The following NGF variants were observed in gnomAD, a reference collection of about 807,000 sequenced individuals.
The protein encoded by NGF is nerve growth factor.
Under a neutral mutation model 12.8 loss-of-function variants are expected in NGF, and 4 were observed. The ratio of observed to expected loss-of-function variants is 0.31; its 90% CI spans 0.15 to 0.72. The LOEUF is 0.72. Ranked by LOEUF, NGF falls within the 30% of genes least tolerant of loss-of-function variation. The pLI, the probability that NGF is intolerant of heterozygous loss-of-function variation, is 0.69. For synonymous variants in NGF, 140 were observed against 130.0 expected, an observed-to-expected ratio of 1.08 and a Z score of -0.52; for missense variants, 283 against 330.8, an observed-to-expected ratio of 0.86 and a Z score of 1.12.
chr1:115,302,946 C>G (rs1654086529), intron 1 of NGF, among the ~76,000 whole-genome samples: 1 of 152,202 alleles, frequency 6.6e-6, no homozygotes, highest in African/African-American at 2.4e-5. Flanking sequence ...CATCTGTGTC[C>G]ACCACTTTCA....
intron 1 of NGF, among the ~76,000 whole-genome samples, chr1:115,304,951 A>C (rs1228903557): frequency 1.3e-5 from 2 of 152,122 alleles, no homozygotes; most frequent in African/African-American, 2.4e-5. Flanking sequence ...TGTGAGTTTG[A>C]GTTTGGGTTT....
intron 1 of NGF, among the ~76,000 whole-genome samples, chr1:115,310,312 A>C (rs1310134520): frequency 6.6e-6 from 1 of 152,204 alleles, no homozygotes; most frequent in Non-Finnish European, 1.5e-5. Context: ...ATGGCTGGTA[A>C]TGTTGTTATA....
At position 115,298,666 on chromosome 1, in the gene NGF, G is replaced by T. The variant is rs1279329952; in HGVS notation, c.-136-4916C>A. Among the ~76,000 whole-genome samples, 6 of 152,172 alleles carry T rather than the reference G, an allele frequency of 3.9e-5. No homozygotes were observed. In the South Asian group the frequency reaches 1.2e-3, roughly 32 times the overall value. On this transcript the variant is annotated intron_variant, in intron 1 of 2. Transcript: ENST00000369512. ...GGAGCACATGGGAGGACTGGTCCCA[G>T]AGGTCTTTTTGGCCAAGTGTCCCTA...
At chr1:115,338,013 G>T (rs1233160974) in intron 1 of NGF, among the ~76,000 whole-genome samples, 191 bp downstream of exon 1, 1 of 152,136 alleles carries the variant, frequency 6.6e-6, no homozygotes, top group Non-Finnish European at 1.5e-5. Flanking sequence ...TCGTCCTCCC[G>T]CGAGGGTCCC....
At chr1:115,286,990 G>A (rs1002477049) in intron 2 of NGF, among the ~76,000 whole-genome samples, 183 bp from the exon 3 acceptor site, 9 of 152,124 alleles carry the variant, frequency 5.9e-5, no homozygotes, top group Non-Finnish European at 1.0e-4. Context: ...GGCGTAACCC[G>A]GGGCTGACTC....
rs576988149 is a variant in NGF, at chr1:115,327,301, T to C, written c.-137+10903A>G. On this transcript the variant is annotated intron_variant, in intron 1 of 2. Transcript: ENST00000369512. ...AAAAAGAACCTTTGAAACATATTTG[T>C]GTTGCTTTATGAAGCTCTCTGCTTT... 2.6e-5 allele frequency among the ~76,000 whole-genome samples: 4 copies of C among 152,350 alleles called. No individual in the cohort carries two copies. In the East Asian group the frequency reaches 7.7e-4, roughly 29 times the overall value.
chr1:115,289,539 G>A (rs1653619307), intron 2 of NGF, among the ~76,000 whole-genome samples: 1 of 152,100 alleles, frequency 6.6e-6, no homozygotes, highest in Non-Finnish European at 1.5e-5. Context: ...TTTGAAGCTA[G>A]TTCTGCCCTC....
At chr1:115,329,517 A>T (rs1052032410) in intron 1 of NGF, among the ~76,000 whole-genome samples, 1 of 152,166 alleles carries the variant, frequency 6.6e-6, no homozygotes, top group Non-Finnish European at 1.5e-5. Flanking sequence ...TATGACTTAT[A>T]GTAAAAAAAA....
At chr1:115,318,610 C>T (rs542883596) in intron 1 of NGF, among the ~76,000 whole-genome samples, 26 of 152,344 alleles carry the variant, frequency 1.7e-4, no homozygotes, top group Admixed American at 3.9e-4. Flanking sequence ...CCAGCCTCCA[C>T]CCCTATATAC....
intron 2 of NGF, among the ~76,000 whole-genome samples, chr1:115,288,663 G>T (rs1033810352): frequency 1.3e-5 from 2 of 152,106 alleles, no homozygotes; most frequent in African/African-American, 4.8e-5. Context: ...CCTCTCCTAG[G>T]GTTGTGGATA....
chr1:115,316,015 A>T (rs180805343), intron 1 of NGF, among the ~76,000 whole-genome samples: 1 of 152,290 alleles, frequency 6.6e-6, no homozygotes, highest in African/African-American at 2.4e-5. Flanking sequence ...GGTACCTACT[A>T]TGCACCCAGG....
chr1:115,322,261 T>A, intron 1 of NGF, among the ~76,000 whole-genome samples: 1 of 152,130 alleles, frequency 6.6e-6, no homozygotes, highest in East Asian at 1.9e-4. Context: ...CTGAATAAAT[T>A]CCTTTCAGGG....
intron 1 of NGF, among the ~76,000 whole-genome samples, chr1:115,294,035 G>C (rs1161081630): frequency 2.0e-5 from 3 of 152,194 alleles, no homozygotes; most frequent in African/African-American, 4.8e-5. Context: ...GGTGTTTCTA[G>C]ACACATGCCA....
intron 1 of NGF, among the ~76,000 whole-genome samples, chr1:115,336,995 C>G (rs1469098903): frequency 6.6e-6 from 1 of 152,154 alleles, no homozygotes; most frequent in Non-Finnish European, 1.5e-5. Context: ...CAGAGGCACC[C>G]AGGAGAGCAC....
intron 1 of NGF, among the ~76,000 whole-genome samples, chr1:115,303,648 C>T (rs540309308): frequency 6.6e-6 from 1 of 152,272 alleles, no homozygotes; most frequent in East Asian, 1.9e-4. Flanking sequence ...TGATTACCAT[C>T]CCCACCATCA....
At chr1:115,326,237 T>C (rs1469863079) in intron 1 of NGF, among the ~76,000 whole-genome samples, 1 of 152,062 alleles carries the variant, frequency 6.6e-6, no homozygotes, top group Non-Finnish European at 1.5e-5. Context: ...GACAGGGACA[T>C]GTGTATTCCT....
At chr1:115,313,171 CT>C (rs1171264227) in intron 1 of NGF, among the ~76,000 whole-genome samples, 1 of 152,196 alleles carries the variant, frequency 6.6e-6, no homozygotes, top group Admixed American at 6.5e-5. Context: ...GACCTGAATA[CT>C]TTTGATGTTT....
rs767755905 is a variant in NGF at position 115,286,204 on chromosome 1, T to C, written c.592A>G (p.Asn198Asp). The part of the protein sequence containing the change: ...GCRGIDSKHW[N>D]SYCTTTHTFV... ...GTGTGAGTCGTGGTACAATATGAGTTCCAGTGCTTTGAGTCAATGCCCCGG... is the reference window on the plus strand; with the variant it reads ...GTGTGAGTCGTGGTACAATATGAGTCCCAGTGCTTTGAGTCAATGCCCCGG... The change falls in exon 3 of 3, where the codon AAC (asparagine) becomes GAC (aspartate). Residue 198 changes from asparagine (N) to aspartate (D), a missense_variant. Physicochemically the swap from Asn to Asp is conservative, Grantham distance 23. Coordinates refer to ENST00000369512, the MANE Select transcript of NGF (RefSeq NM_002506.3). 6.2e-7 allele frequency: 1 copy of C among 1,614,104 alleles called. No individual in the cohort carries two copies. The highest frequency in any genetic ancestry group is 8.5e-7 in the Non-Finnish European group (1 of 1,180,026).
intron 1 of NGF, among the ~76,000 whole-genome samples, chr1:115,298,311 T>C (rs1307142849): frequency 8.5e-5 from 13 of 152,220 alleles, no homozygotes. Flanking sequence ...AGTTGATTTT[T>C]TCCCCCCAAA....
Sources: allele counts gnomAD v4.1 joint callset (sites outside exome capture counted in the v4.1 genomes callset), GRCh38; gene constraint gnomAD v4.1.1; transcripts MANE v1.5; gene names NCBI Gene and HGNC (gene_info 2026-07-23, HGNC 2026-07-21).